C8orf34: variants seen among roughly 807,000 people sequenced by gnomAD.
C8orf34 encodes uncharacterized protein C8orf34.
Under a neutral mutation model 68.3 loss-of-function variants are expected in C8orf34, and 65 were observed. The ratio of observed to expected loss-of-function variants is 0.95; its 90% confidence interval spans 0.78 to 1.17. The LOEUF is 1.17. C8orf34 is among the 50% of genes most tolerant of loss of function. C8orf34 has a pLI of 0.00. For missense variants in C8orf34, 664 were observed against 655.4 expected, an observed-to-expected ratio of 1.01 and a Z score of -0.14; for synonymous variants, 244 against 241.2, an observed-to-expected ratio of 1.01 and a Z score of -0.11.
intron 9 of C8orf34, among the ~76,000 whole-genome samples, chr8:68,720,739 G>A (rs181702812): frequency 6.6e-6 from 1 of 151,728 alleles, no homozygotes; most frequent in Non-Finnish European, 1.5e-5. Context: ...TGTTGTTCTG[G>A]TGGTTGTTAT....
intron 1 of C8orf34, among the ~76,000 whole-genome samples, chr8:68,398,233 T>G (rs185792655): frequency 6.6e-6 from 1 of 152,216 alleles, no homozygotes; most frequent in African/African-American, 2.4e-5. Context: ...ATCCTATGGT[T>G]TTTATTTAGT....
rs147068591 is a variant in C8orf34, at chr8:68,440,793, A to G, written c.475+1147A>G. On this transcript the variant is annotated intron_variant, in intron 2 of 13. Coordinates refer to ENST00000518698, the MANE Select transcript of C8orf34 (RefSeq NM_052958.4). ...TAAATCAGTATCTGGAGAGAAAGGA[A>G]CATATTAAACTCTGCATTTTTTTTT... Among the ~76,000 whole-genome samples, 1,158 of 138,080 alleles carry G rather than the reference A, an allele frequency of 8.4e-3. 15 individuals carry two copies. The highest frequency in any genetic ancestry group is 0.028 in the African/African-American group (1,053 of 37,838). The allele number at this position is 138,080 out of a possible 152,430, so 90.6% of individuals were successfully genotyped here.
intron 1 of C8orf34, among the ~76,000 whole-genome samples, chr8:68,388,352 T>G (rs1355098562): frequency 6.6e-6 from 1 of 152,148 alleles, no homozygotes; most frequent in Non-Finnish European, 1.5e-5. Context: ...TCTCTAGAGT[T>G]CATGAAAATT....
At chr8:68,714,182 T>G (rs181486880) in intron 9 of C8orf34, among the ~76,000 whole-genome samples, 101 of 152,210 alleles carry the variant, frequency 6.6e-4, no homozygotes, top group Middle Eastern at 3.4e-3. Context: ...TGGCCAACAT[T>G]ATACTGAACA....
intron 7 of C8orf34, among the ~76,000 whole-genome samples, chr8:68,538,995 A>G (rs1345916566): frequency 6.6e-6 from 1 of 152,302 alleles, no homozygotes; most frequent in African/African-American, 2.4e-5. Flanking sequence ...ATATGTTTAC[A>G]TGCTTATGTA....
At chr8:68,709,122 ACTTAAAG>A (rs748329909) in intron 9 of C8orf34, 43 bp downstream of exon 9, 1 of 1,438,504 alleles carries the variant, frequency 7.0e-7, no homozygotes, top group South Asian at 1.2e-5. Context: ...TTCTAGTGGC[ACTTAAAG>A]ATTAAAGAAG....
chr8:68,420,365 A>G (rs1485914709), intron 1 of C8orf34, among the ~76,000 whole-genome samples: 1 of 152,180 alleles, frequency 6.6e-6, no homozygotes, highest in African/African-American at 2.4e-5. Flanking sequence ...CTGGAATTCC[A>G]GAAAAAAAAA....
chr8:68,679,274 G>A (rs1050432246), intron 8 of C8orf34, among the ~76,000 whole-genome samples: 4 of 151,838 alleles, frequency 2.6e-5, no homozygotes, highest in African/African-American at 7.3e-5. Context: ...GTGACAGAAC[G>A]AGACTTTGTC....
intron 3 of C8orf34, among the ~76,000 whole-genome samples, chr8:68,465,665 A>G (rs1366118959): frequency 6.6e-6 from 1 of 152,028 alleles, no homozygotes; most frequent in African/African-American, 2.4e-5. Context: ...CACGGATGAA[A>G]TTGGAAATCA....
intron 8 of C8orf34, among the ~76,000 whole-genome samples, chr8:68,682,456 C>G (rs1165196955): frequency 6.6e-6 from 1 of 152,078 alleles, no homozygotes; most frequent in African/African-American, 2.4e-5. Context: ...TCCTTCTCTT[C>G]CTGGTGCAGA....
At chr8:68,443,211 T>C (rs1404533996) in intron 2 of C8orf34, among the ~76,000 whole-genome samples, 2 of 151,994 alleles carry the variant, frequency 1.3e-5, no homozygotes, top group Non-Finnish European at 2.9e-5. Context: ...AGAGTGTTTA[T>C]GTGGAAGGAA....
At chr8:68,639,848 G>T (rs541198310) in intron 7 of C8orf34, among the ~76,000 whole-genome samples, 2 of 152,286 alleles carry the variant, frequency 1.3e-5, no homozygotes, top group East Asian at 3.9e-4. Context: ...CAAACATTGA[G>T]AGTGAAAAAG....
chr8:68,426,865 G>A (rs909254251), intron 1 of C8orf34, among the ~76,000 whole-genome samples: 5 of 142,464 alleles, frequency 3.5e-5, no homozygotes, highest in South Asian at 2.3e-4. Context: ...GTGAAACTCC[G>A]TCTAAAAAAA....
At chr8:68,622,138 C>A (rs1157083622) in intron 7 of C8orf34, among the ~76,000 whole-genome samples, 8 of 152,236 alleles carry the variant, frequency 5.3e-5, no homozygotes, top group Non-Finnish European at 1.5e-5. Context: ...CCAGAGGCCA[C>A]CTTCAGTTCC....
chr8:68,730,635 G>A (rs1473496046), intron 10 of C8orf34, among the ~76,000 whole-genome samples: 1 of 152,056 alleles, frequency 6.6e-6, no homozygotes, highest in Non-Finnish European at 1.5e-5. Context: ...TCTAATAAAT[G>A]TTTAAACATT....
chr8:68,376,748 T>C (rs1246438536), intron 1 of C8orf34, among the ~76,000 whole-genome samples: 4 of 152,166 alleles, frequency 2.6e-5, no homozygotes, highest in Non-Finnish European at 5.9e-5. Flanking sequence ...AAACCCATAC[T>C]GAGTTCTTCG....
chr8:68,662,199 G>A (rs1819700089), intron 8 of C8orf34, among the ~76,000 whole-genome samples: 2 of 152,252 alleles, frequency 1.3e-5, no homozygotes, highest in South Asian at 4.1e-4. Flanking sequence ...TTGTTATGTA[G>A]ATAAAAAATC....
intron 8 of C8orf34, among the ~76,000 whole-genome samples, chr8:68,662,918 T>C (rs557870971): frequency 1.7e-3 from 253 of 152,356 alleles, no homozygotes; most frequent in African/African-American, 5.8e-3. Flanking sequence ...CACCCAAATA[T>C]GCCTCTTTGG....
intron 3 of C8orf34, among the ~76,000 whole-genome samples, chr8:68,449,251 G>A (rs967332636): frequency 6.6e-6 from 1 of 152,040 alleles, no homozygotes; most frequent in African/African-American, 2.4e-5. Context: ...AGTTACTATG[G>A]TTTATAACAA....
Sources: gnomAD v4.1 joint callset for allele counts (sites outside exome capture counted in the v4.1 genomes callset) on GRCh38, gnomAD v4.1.1 for gene constraint, MANE v1.5 for transcripts, NCBI Gene and HGNC (gene_info 2026-07-23, HGNC 2026-07-21) for gene names.